The following PLCB1 variants were observed in gnomAD, a reference collection of about 807,000 sequenced individuals.
The protein encoded by PLCB1 is 1-phosphatidylinositol 4,5-bisphosphate phosphodiesterase beta-1.
PLCB1 carries 46 observed loss-of-function variants against 161.8 expected under a neutral mutation model. The observed-to-expected ratio is 0.28, with a 90% CI of 0.22 to 0.36. PLCB1 has a LOEUF of 0.36. Ranked by LOEUF, PLCB1 falls within the 10% of genes least tolerant of loss-of-function variation. The probability of loss-of-function intolerance (pLI) is 1.00; values close to 1 mark genes in which losing one functional copy is unlikely to be tolerated. For synonymous variants in PLCB1, 517 were observed against 503.7 expected (o/e 1.03, Z -0.35); for missense variants, 1,016 against 1,472.5 (o/e 0.69, Z 5.07).
intron 12 of PLCB1, chr20:8,715,890 GA>G (rs1979280533): frequency 5.4e-6 from 1 of 186,502 alleles, no homozygotes; most frequent in Admixed American, 5.6e-5. Context: ...AATTTACATG[GA>G]AATATGAAAG....
At chr20:8,646,441 A>G (rs543998472) in intron 5 of PLCB1, among the ~76,000 whole-genome samples, 54 of 152,344 alleles carry the variant, frequency 3.5e-4, no homozygotes, top group African/African-American at 1.3e-3. Flanking sequence ...TTGACACACA[A>G]CAAAGAGACA....
chr20:8,318,548 T>C (rs1389288950), intron 2 of PLCB1, among the ~76,000 whole-genome samples: 56 of 151,636 alleles, frequency 3.7e-4, no homozygotes, highest in Admixed American at 3.7e-3. Flanking sequence ...CATCCCTGAG[T>C]TCTCAGAGGT....
At chr20:8,429,557 C>T (rs6039162) in intron 3 of PLCB1, among the ~76,000 whole-genome samples, 10,013 of 151,892 alleles carry the variant, frequency 0.066, 1,056 homozygotes, top group African/African-American at 0.22. Context: ...TCCCAACTAA[C>T]AAGGGTGAAT....
chr20:8,229,994 T>C (rs1387279111), intron 2 of PLCB1, among the ~76,000 whole-genome samples: 2 of 139,548 alleles, frequency 1.4e-5, no homozygotes, highest in Non-Finnish European at 3.0e-5. Flanking sequence ...AATTCAAGCC[T>C]GCAGTGAGCC....
intron 2 of PLCB1, among the ~76,000 whole-genome samples, chr20:8,188,081 C>G (rs562645970): frequency 6.6e-6 from 1 of 152,056 alleles, no homozygotes; most frequent in African/African-American, 2.4e-5. Context: ...CAAGCTTTGT[C>G]TTAGGCATTT....
At chr20:8,681,730 T>C (rs541756663) in intron 9 of PLCB1, among the ~76,000 whole-genome samples, 1 of 152,314 alleles carries the variant, frequency 6.6e-6, no homozygotes, top group East Asian at 1.9e-4. Context: ...TAGTTAGAGA[T>C]TGGGTTGTGT....
intron 3 of PLCB1, among the ~76,000 whole-genome samples, chr20:8,424,881 A>G (rs1229028306): frequency 6.6e-6 from 1 of 152,190 alleles, no homozygotes; most frequent in Non-Finnish European, 1.5e-5. Context: ...ACAGTGTGGG[A>G]ATGGACTCGA....
chr20:8,167,824 A>C (rs1600212130), intron 2 of PLCB1, among the ~76,000 whole-genome samples: 1 of 152,176 alleles, frequency 6.6e-6, no homozygotes, highest in Admixed American at 6.5e-5. Context: ...TTAAAACAAC[A>C]ACCATTTTTT....
intron 31 of PLCB1, among the ~76,000 whole-genome samples, chr20:8,851,904 A>T (rs1386149467): frequency 6.6e-6 from 1 of 152,170 alleles, no homozygotes; most frequent in African/African-American, 2.4e-5. Context: ...TAGAAGCACC[A>T]CATGTAACAG....
intron 4 of PLCB1, 172 bp downstream of exon 4, chr20:8,628,603 G>A: frequency 3.2e-6 from 2 of 632,478 alleles, no homozygotes; most frequent in East Asian, 5.6e-5. Context: ...CTAAATAATG[G>A]CATCAACTTA....
chr20:8,791,460 T>C (rs1008689489), intron 31 of PLCB1, among the ~76,000 whole-genome samples: 2 of 152,208 alleles, frequency 1.3e-5, no homozygotes, highest in Admixed American at 1.3e-4. Context: ...AGAAACACTT[T>C]AATAATAATC....
In PLCB1 at chr20:8,644,615, G is replaced by A. The variant is rs550943028; in HGVS notation, c.385-1487G>A. Among the ~76,000 whole-genome samples the A allele has an allele frequency of 1.9e-3, 296 of 151,940 alleles. 3 individuals are homozygous for A. The highest frequency in any genetic ancestry group is 6.7e-3 in the African/African-American group (279 of 41,436). On this transcript the variant is annotated intron_variant, in intron 4 of 31. Coordinates refer to ENST00000338037, the MANE Select transcript of PLCB1 (RefSeq NM_015192.4). ...TCCGCCTGGCAGCTGCCCTGTCTGA[G>A]AAGTGAGGAGCCCCTCTGCCCGGCA...
chr20:8,437,581 C>A (rs527908029), intron 3 of PLCB1, among the ~76,000 whole-genome samples: 7 of 152,294 alleles, frequency 4.6e-5, no homozygotes, highest in African/African-American at 1.4e-4. Context: ...TCATCCAGTA[C>A]AGTAGACTGA....
intron 3 of PLCB1, among the ~76,000 whole-genome samples, chr20:8,417,926 G>A (rs1979375340): frequency 6.6e-6 from 1 of 152,236 alleles, no homozygotes; most frequent in Admixed American, 6.5e-5. Context: ...GTTACACACA[G>A]GATGTTGCTG....
intron 2 of PLCB1, among the ~76,000 whole-genome samples, chr20:8,267,934 C>T (rs1982057414): frequency 6.6e-6 from 1 of 150,410 alleles, no homozygotes; most frequent in Non-Finnish European, 1.5e-5. Flanking sequence ...GGGACAGGAC[C>T]AATCAGAGGT....
intron 9 of PLCB1, among the ~76,000 whole-genome samples, chr20:8,681,137 T>C (rs1990211275): frequency 7.3e-6 from 1 of 137,670 alleles, no homozygotes; most frequent in Admixed American, 7.4e-5. Context: ...ATAAAATCAG[T>C]GTCTCATAGC....
chr20:8,860,730 C>T (rs1987226838), intron 31 of PLCB1, among the ~76,000 whole-genome samples: 1 of 152,212 alleles, frequency 6.6e-6, no homozygotes, highest in Non-Finnish European at 1.5e-5. Context: ...TCAGTGCATT[C>T]TCATGTGTTT....
intron 3 of PLCB1, among the ~76,000 whole-genome samples, chr20:8,550,722 T>C (rs866303256): frequency 6.6e-6 from 1 of 152,186 alleles, no homozygotes. Flanking sequence ...AGTTAGTTGC[T>C]TTTAAGCTTT....
intron 2 of PLCB1, among the ~76,000 whole-genome samples, chr20:8,163,580 T>C (rs1253711517): frequency 6.6e-6 from 1 of 152,216 alleles, no homozygotes; most frequent in Non-Finnish European, 1.5e-5. Context: ...TTGCTTGGCC[T>C]GTGCAAATAA....
Sources: allele counts gnomAD v4.1 joint callset (sites outside exome capture counted in the v4.1 genomes callset), GRCh38; gene constraint gnomAD v4.1.1; transcripts MANE v1.5; gene names NCBI Gene and HGNC (gene_info 2026-07-23, HGNC 2026-07-21).